UBE2O: variants seen among roughly 807,000 people sequenced by gnomAD.
The protein encoded by UBE2O is (E3-independent) E2 ubiquitin-conjugating enzyme.
UBE2O carries 15 observed loss-of-function variants against 125.8 expected under a neutral mutation model. The ratio of observed to expected loss-of-function variants is 0.12; its 90% CI spans 0.08 to 0.18. The LOEUF (loss-of-function observed/expected upper bound fraction) is 0.18. Ranked by LOEUF, UBE2O falls within the 10% of genes least tolerant of loss-of-function variation. The pLI, the probability that UBE2O is intolerant of heterozygous loss-of-function variation, is 1.00. For synonymous variants in UBE2O, 708 were observed against 703.2 expected (o/e 1.01, Z -0.11); for missense variants, 1,280 against 1,723.6 (o/e 0.74, Z 4.56).
chr17:76,391,428 T>G lies in UBE2O; in HGVS notation c.3394A>C (p.Ser1132Arg). The G allele has an allele frequency of 6.2e-7, 1 of 1,613,692 alleles. No individual in the cohort carries two copies. Among genetic ancestry groups the G allele is most frequent in the Non-Finnish European group, 8.5e-7 (1 of 1,180,024 alleles). ...VFEQEIRQHF[S>R]TGGWRLVNRI... is the part of the protein sequence containing the mutation. ...TTCACCAGCCGCCAGCCACCAGTGC[T>G]AAAGTGTTGCCTGATCTCCTGCTCA... The change falls in exon 18 of 18, where the codon AGC becomes CGC. Residue 1132 changes from serine (S) to arginine (R), a missense_variant. Coordinates refer to ENST00000319380, the MANE Select transcript of UBE2O (RefSeq NM_022066.4). The surrounding 1 kb of genome is among the most constrained non-coding windows in gnomAD (Gnocchi z 8.4).
chr17:76,396,245 C>T lies in UBE2O; in HGVS notation c.2692G>A (p.Val898Met). The T allele has an allele frequency of 1.2e-6, 2 of 1,614,244 alleles. No individual in the cohort carries two copies. Among genetic ancestry groups the T allele is most frequent in the South Asian group, 1.1e-5 (1 of 91,092 alleles). Reference protein sequence around the residue: ...KEDKPEGQSPVKAEWPSETPV... With the variant: ...KEDKPEGQSPMKAEWPSETPV... ...GTTTCGCTGGGCCACTCAGCCTTCA[C>T]AGGTGACTGCCCCTCGGGCTTGTCC... The change falls in exon 14 of 18, where the codon GTG becomes ATG. Residue 898 changes from valine (V) to methionine (M), a missense_variant. Physicochemically the swap from Val to Met is conservative, Grantham distance 21. This residue lies in a region of UBE2O where 116 missense variants were observed against 154.8 expected (regional missense o/e 0.75). Transcript: ENST00000319380. The surrounding 1 kb of genome is among the most constrained non-coding windows in gnomAD (Gnocchi z 6.7).
rs768756442 is a variant in UBE2O, at chr17:76,399,418, C to T, written c.1628+31G>A. The stretch of plus-strand genomic sequence containing the variant: ...CACTCTGCCTGGCTTCACGCTGACG[C>T]CATTGGGGAGGGGCACAACTCTGAG... On this transcript the variant is annotated intron_variant, in intron 9 of 17. Coordinates refer to ENST00000319380, the MANE Select transcript of UBE2O (RefSeq NM_022066.4). This position sits in a 1 kb window ranked among gnomAD's most constrained non-coding sequence, Gnocchi z 6.9. The T allele has an allele frequency of 3.7e-6, 6 of 1,602,286 alleles. No homozygotes were observed. Among genetic ancestry groups the T allele is most frequent in the Non-Finnish European group, 4.3e-6 (5 of 1,171,448 alleles).
Position 76,398,622 on chromosome 17 carries a change from A to T in UBE2O, c.1784-38T>A. 6.3e-7 allele frequency: 1 copy of T among 1,597,766 alleles called. No individual in the cohort carries two copies. The highest frequency in any genetic ancestry group is 1.7e-4 in the Middle Eastern group (1 of 6,026). On this transcript the variant is annotated intron_variant, in intron 10 of 17. Transcript: ENST00000319380. The surrounding 1 kb of genome is among the most constrained non-coding windows in gnomAD (Gnocchi z 5.4). ...AGAAAGGGAAGTGACTAGCTAAGGG[A>T]TCCCGGCTAAGGAGCCCACATCTCA...
chr17:76,451,188 G>A (rs560881090), intron 1 of UBE2O, among the ~76,000 whole-genome samples: 21 of 152,272 alleles, frequency 1.4e-4, no homozygotes, highest in Non-Finnish European at 2.5e-4. Flanking sequence ...TAGATGGGTG[G>A]TGAAAAACAT....
intron 1 of UBE2O, among the ~76,000 whole-genome samples, chr17:76,415,115 G>C (rs149387017): frequency 0.015 from 2,208 of 152,226 alleles, 19 homozygotes; most frequent in Middle Eastern, 0.027. Flanking sequence ...GTGGCTGCCG[G>C]GCATCCCTGA....
chr17:76,394,613 T>C (rs1266516961), intron 15 of UBE2O, among the ~76,000 whole-genome samples: 2 of 152,198 alleles, frequency 1.3e-5, no homozygotes, highest in African/African-American at 4.8e-5. Context: ...CTTATGGTGA[T>C]ACATGAAAAT....
intron 1 of UBE2O, among the ~76,000 whole-genome samples, chr17:76,446,302 T>C (rs888582289): frequency 3.9e-5 from 6 of 152,332 alleles, no homozygotes; most frequent in African/African-American, 1.4e-4. Context: ...AGGACTGTTG[T>C]GCTGGCAATT....
intron 1 of UBE2O, among the ~76,000 whole-genome samples, chr17:76,433,495 C>T (rs879844784): frequency 2.7e-5 from 4 of 150,736 alleles, no homozygotes; most frequent in Non-Finnish European, 5.9e-5. Flanking sequence ...TGAAAATGTT[C>T]TAAAATTAGA....
rs1412225440 is a variant in UBE2O at position 76,396,861 on chromosome 17, A to G, written c.2116-40T>C. ...GAAGTGCCAGGGTAAGCAGACAGGA[A>G]GTCACCTCCCCACCACTAAGGAGGA... On this transcript the variant is annotated intron_variant, in intron 13 of 17. Coordinates refer to ENST00000319380, the MANE Select transcript of UBE2O (RefSeq NM_022066.4). The surrounding 1 kb of genome is among the most constrained non-coding windows in gnomAD (Gnocchi z 6.7). The G allele has an allele frequency of 2.6e-6, 4 of 1,523,988 alleles. No individual in the cohort carries two copies. Among genetic ancestry groups the G allele is most frequent in the Non-Finnish European group, 3.5e-6 (4 of 1,127,914 alleles). The allele number at this position is 1,523,988 out of a possible 1,614,324, so 94.4% of individuals were successfully genotyped here.
intron 1 of UBE2O, among the ~76,000 whole-genome samples, chr17:76,426,266 G>C (rs1218159093): frequency 6.6e-6 from 1 of 152,170 alleles, no homozygotes; most frequent in Non-Finnish European, 1.5e-5. Context: ...TTCCCAAAGT[G>C]CTGGGATTAC....
At chr17:76,397,727 T>TAC in intron 13 of UBE2O, 72 bp downstream of exon 13, 1 of 1,454,834 alleles carries the variant, frequency 6.9e-7, no homozygotes, top group Non-Finnish European at 9.7e-7. Context: ...ATCTTCTGGC[T>TAC]ACACGCCTGT....
At chr17:76,442,996 C>A (rs1476618805) in intron 1 of UBE2O, among the ~76,000 whole-genome samples, 1 of 152,112 alleles carries the variant, frequency 6.6e-6, no homozygotes, top group Non-Finnish European at 1.5e-5. Flanking sequence ...TTAAAAATGA[C>A]CCCAAATGCT....
Position 76,391,210 on chromosome 17 carries a change from A to G in UBE2O, c.3612T>C (p.Gly1204=). ...TGCTAGCTGAGGCCAGGCCCTGGGC[A>G]CCGCCCTCTGAGTCTGAGCCCTGGG... is the stretch of plus-strand genomic sequence containing the variant. ...EASQGSDSEG[G]AQGLASASRD... Residue 1204 remains glycine (G), a synonymous_variant, in exon 18 of 18, where the codon GGT becomes GGC. Coordinates refer to ENST00000319380, the MANE Select transcript of UBE2O (RefSeq NM_022066.4). The surrounding 1 kb of genome is among the most constrained non-coding windows in gnomAD (Gnocchi z 8.4). The G allele has an allele frequency of 1.2e-6, 2 of 1,613,188 alleles. No individual in the cohort carries two copies. The highest frequency in any genetic ancestry group is 1.7e-6 in the Non-Finnish European group (2 of 1,179,458).
At chr17:76,423,958 A>C (rs1345395789) in intron 1 of UBE2O, among the ~76,000 whole-genome samples, 15 of 122,614 alleles carry the variant, frequency 1.2e-4, no homozygotes, top group African/African-American at 3.1e-5. Context: ...CTGTAGTGCT[A>C]GTGCAGCGGC....
chr17:76,391,822 C>T lies in UBE2O; in HGVS notation c.3151-9G>A, dbSNP rs2072119094. ...GTCCACCTCTCTGTCCCCTGAAACA[C>T]ACAGGGCACCATCAATTCTGTTCCC... On this transcript the variant is annotated splice_polypyrimidine_tract_variant and intron_variant, in intron 16 of 17. Coordinates refer to ENST00000319380, the MANE Select transcript of UBE2O (RefSeq NM_022066.4). The surrounding 1 kb of genome is among the most constrained non-coding windows in gnomAD (Gnocchi z 8.4). The T allele has an allele frequency of 6.2e-7, 1 of 1,614,068 alleles. No individual in the cohort carries two copies. The highest frequency in any genetic ancestry group is 8.5e-7 in the Non-Finnish European group (1 of 1,179,996).
chr17:76,452,973 G>C lies in UBE2O; in HGVS notation c.169C>G (p.Gln57Glu). ...AGGTCGTGAGAAAACAGCAGGCGCT[G>C]CGAGCCGGCTTCTGGGCCGGAGTCC... ...SSDSGPEAGS[Q>E]RLLFSHDLVS... Residue 57 changes from glutamine (Q) to glutamate (E), a missense_variant, in exon 1 of 18, where the codon CAG becomes GAG. Gln to Glu is a conservative substitution (Grantham distance 29). This residue lies in a region of UBE2O where 188 missense variants were observed against 192.5 expected (regional missense o/e 0.98). Transcript: ENST00000319380. The surrounding 1 kb of genome is among the most constrained non-coding windows in gnomAD (Gnocchi z 4.4). 1 of 1,494,810 alleles carries C rather than the reference G, an allele frequency of 6.7e-7. No homozygotes were observed. Among genetic ancestry groups the C allele is most frequent in the South Asian group, 1.3e-5 (1 of 78,662 alleles). The allele number at this position is 1,494,810 out of a possible 1,614,324, so 92.6% of individuals were successfully genotyped here.
chr17:76,435,137 A>G (rs575550580), intron 1 of UBE2O, among the ~76,000 whole-genome samples: 1 of 152,310 alleles, frequency 6.6e-6, no homozygotes, highest in South Asian at 2.1e-4. Flanking sequence ...ACCACGAAGC[A>G]AACGGGAAGG....
chr17:76,395,357 ATT>A lies in UBE2O; in HGVS notation c.2946+366_2946+367del, dbSNP rs78701971. 125 of 139,644 alleles carry A rather than the reference ATT, an allele frequency of 9.0e-4. No homozygotes were observed. Among genetic ancestry groups the A allele is most frequent in the East Asian group, 1.4e-3 (7 of 4,918 alleles). 8.7% of individuals were successfully genotyped at this position (139,644 alleles called of 1,614,324 possible). ...CATGGTGGCGGGAGAGTTTTTTGTA[ATT>A]TTTTTTTTTTTTTTAGTGGAGACGG... On this transcript the variant is annotated intron_variant, in intron 15 of 17. Transcript: ENST00000319380. This position sits in a 1 kb window ranked among gnomAD's most constrained non-coding sequence, Gnocchi z 5.0.
chr17:76,396,575 C>T lies in UBE2O; in HGVS notation c.2362G>A (p.Ala788Thr), dbSNP rs1362739010. 8.7e-6 allele frequency: 14 copies of T among 1,605,424 alleles called. No individual in the cohort carries two copies. The highest frequency in any genetic ancestry group is 1.1e-5 in the South Asian group (1 of 90,060). The change falls in exon 14 of 18, where the codon GCT (alanine) becomes ACT (threonine). Residue 788 changes from alanine (A) to threonine (T), a missense_variant. Ala to Thr is a moderately conservative substitution (Grantham distance 58). Coordinates refer to ENST00000319380, the MANE Select transcript of UBE2O (RefSeq NM_022066.4). This position sits in a 1 kb window ranked among gnomAD's most constrained non-coding sequence, Gnocchi z 6.7. ...EEAATAAVQG[A>T]VAMAAPMAGL... ...GCCATGGGGGCAGCCATGGCCACAG[C>T]CCCCTGGACGGCAGCTGTGGCTGCC... is the stretch of plus-strand genomic sequence containing the variant.
Sources: allele counts gnomAD v4.1 joint callset (sites outside exome capture counted in the v4.1 genomes callset), GRCh38; gene constraint gnomAD v4.1.1; regional missense constraint gnomAD v4.1.1; non-coding constraint Gnocchi (gnomAD v3.1); transcripts MANE v1.5; gene names NCBI Gene and HGNC (gene_info 2026-07-23, HGNC 2026-07-21).